Variants in NKAIN2 observed in about 807,000 individuals in gnomAD.
NKAIN2 encodes sodium/potassium transporting ATPase interacting 2, also known as sodium/potassium-transporting ATPase subunit beta-1-interacting protein 2.
In NKAIN2, 14 loss-of-function variants were observed where a neutral mutation model predicts 32.6. That is an observed-to-expected ratio of 0.43 (90% CI 0.28 to 0.67). The LOEUF (loss-of-function observed/expected upper bound fraction) is 0.67, where lower values mean the gene tolerates loss of function less well. Among genes scored for constraint, NKAIN2 ranks in the 30% least tolerant of loss-of-function variants. NKAIN2 has a pLI of 0.17. For synonymous variants in NKAIN2, 80 were observed against 87.2 expected (o/e 0.92, Z 0.46); for missense variants, 198 against 258.3 (o/e 0.77, Z 1.60).
chr6:124,180,562 C>G (rs1789392740), intron 1 of NKAIN2, among the ~76,000 whole-genome samples: 1 of 152,226 alleles, frequency 6.6e-6, no homozygotes, highest in African/African-American at 2.4e-5. Context: ...CCCCTGGCCC[C>G]TCTCAAATCT....
At chr6:124,403,052 A>G (rs6903115) in intron 3 of NKAIN2, among the ~76,000 whole-genome samples, 26,389 of 152,126 alleles carry the variant, frequency 0.17, 4,269 homozygotes, top group African/African-American at 0.43. Flanking sequence ...ATACAAAATC[A>G]TCTTATTTTT....
At chr6:124,380,375 A>T (rs1315649415) in intron 3 of NKAIN2, among the ~76,000 whole-genome samples, 1 of 152,216 alleles carries the variant, frequency 6.6e-6, no homozygotes, top group Non-Finnish European at 1.5e-5. Flanking sequence ...TTCATGTCTC[A>T]CTTCTTCACA....
intron 1 of NKAIN2, among the ~76,000 whole-genome samples, chr6:124,109,238 G>GT (rs1343302648): frequency 2.0e-5 from 3 of 151,784 alleles, no homozygotes; most frequent in Non-Finnish European, 4.4e-5. Flanking sequence ...TCAATGCAGT[G>GT]TTTTTTTGTA....
At chr6:124,287,816 C>A (rs571733811) in intron 2 of NKAIN2, among the ~76,000 whole-genome samples, 12 of 152,194 alleles carry the variant, frequency 7.9e-5, no homozygotes, top group Middle Eastern at 6.8e-3. Flanking sequence ...GCTGCACTGG[C>A]GCTAAGGAGC....
chr6:124,473,517 T>A (rs1469723678), intron 3 of NKAIN2, among the ~76,000 whole-genome samples: 1 of 152,208 alleles, frequency 6.6e-6, no homozygotes, highest in Non-Finnish European at 1.5e-5. Flanking sequence ...CTTTGAGGTT[T>A]ATGTAGGCAA....
intron 1 of NKAIN2, among the ~76,000 whole-genome samples, chr6:123,875,114 G>A (rs1434365459): frequency 6.6e-6 from 1 of 151,740 alleles, no homozygotes; most frequent in Non-Finnish European, 1.5e-5. Context: ...TCCATTTGGG[G>A]ACATTTAGGT....
In NKAIN2 at chr6:124,347,700, A is replaced by C. The variant is rs989388579; in HGVS notation, c.193-7567A>C. On this transcript the variant is annotated intron_variant, in intron 2 of 6. Transcript: ENST00000368417. ...TTCAGCTCCATCAGCTCCTTTAAGC[A>C]CTTCTCTGTATTGGTTATTCTAGTT... 4.6e-5 allele frequency among the ~76,000 whole-genome samples: 7 copies of C among 152,112 alleles called. 1 individual carries two copies. The highest frequency in any genetic ancestry group is 7.2e-5 in the African/African-American group (3 of 41,436).
At chr6:124,496,399 G>T (rs1778064816) in intron 3 of NKAIN2, among the ~76,000 whole-genome samples, 1 of 152,088 alleles carries the variant, frequency 6.6e-6, no homozygotes, top group Non-Finnish European at 1.5e-5. Flanking sequence ...TATATGTATG[G>T]TAGGTACCAA....
chr6:123,907,731 C>G (rs1774959240), intron 1 of NKAIN2, among the ~76,000 whole-genome samples: 1 of 152,158 alleles, frequency 6.6e-6, no homozygotes, highest in Non-Finnish European at 1.5e-5. Context: ...CCCCTCATTC[C>G]CTCATTGCTT....
At chr6:124,526,697 T>A (rs1040600325) in intron 3 of NKAIN2, among the ~76,000 whole-genome samples, 35 of 152,164 alleles carry the variant, frequency 2.3e-4, no homozygotes, top group Non-Finnish European at 4.6e-4. Flanking sequence ...ATTATAACTC[T>A]CTTAACTAGT....
At chr6:124,141,077 A>G (rs780153088) in intron 1 of NKAIN2, among the ~76,000 whole-genome samples, 3 of 152,238 alleles carry the variant, frequency 2.0e-5, no homozygotes, top group South Asian at 2.1e-4. Flanking sequence ...CATTGAGTCA[A>G]TTAAGCCAGG....
intron 6 of NKAIN2, among the ~76,000 whole-genome samples, chr6:124,819,894 T>A (rs1179467562): frequency 6.6e-6 from 1 of 151,596 alleles, no homozygotes; most frequent in East Asian, 1.9e-4. Context: ...CCCTTAGCCA[T>A]TTTTTTCTTG....
chr6:124,234,453 G>A (rs143590384), intron 1 of NKAIN2, among the ~76,000 whole-genome samples: 177 of 152,148 alleles, frequency 1.2e-3, no homozygotes, highest in African/African-American at 4.2e-3. Context: ...AGCTCAATTA[G>A]GGCACATTTT....
chr6:124,514,635 C>A (rs974746648), intron 3 of NKAIN2, among the ~76,000 whole-genome samples: 1 of 152,030 alleles, frequency 6.6e-6, no homozygotes, highest in Non-Finnish European at 1.5e-5. Flanking sequence ...CATTAGCCCC[C>A]AGATTCAGAA....
Position 124,617,878 on chromosome 6 carries a change from C to A in NKAIN2, c.274-40308C>A, listed in dbSNP as rs181855287. Reference sequence around the variant, plus strand: ...TTATAACTAGGAATAATTCAAATAACCAGTTGAATCTAGACCGTCAAAGAT... The same window carrying A: ...TTATAACTAGGAATAATTCAAATAAACAGTTGAATCTAGACCGTCAAAGAT... On this transcript the variant is annotated intron_variant, in intron 3 of 6. Transcript: ENST00000368417. Among the ~76,000 whole-genome samples the A allele has an allele frequency of 1.8e-3, 278 of 152,040 alleles. 3 individuals carry two copies. The highest frequency in any genetic ancestry group is 7.9e-4 in the Non-Finnish European group (54 of 67,982).
chr6:124,450,187 C>G (rs1289177145), intron 3 of NKAIN2, among the ~76,000 whole-genome samples: 2 of 152,010 alleles, frequency 1.3e-5, no homozygotes, highest in Non-Finnish European at 2.9e-5. Context: ...TCACATTTCT[C>G]AAAATGTGAC....
At chr6:123,867,732 T>G (rs1456771112) in intron 1 of NKAIN2, among the ~76,000 whole-genome samples, 1 of 152,172 alleles carries the variant, frequency 6.6e-6, no homozygotes, top group Non-Finnish European at 1.5e-5. Flanking sequence ...CCTCAAACAT[T>G]TCCTCTTCTC....
At chr6:123,936,841 T>A (rs934453179) in intron 1 of NKAIN2, among the ~76,000 whole-genome samples, 1 of 152,132 alleles carries the variant, frequency 6.6e-6, no homozygotes, top group Non-Finnish European at 1.5e-5. Flanking sequence ...TACATGGTGT[T>A]CAATACTATT....
chr6:124,396,635 G>GGA lies in NKAIN2; in HGVS notation c.273+41292_273+41293dup, dbSNP rs1491289393. Among the ~76,000 whole-genome samples, 19 of 151,906 alleles carry GGA rather than the reference G, an allele frequency of 1.3e-4. No homozygotes were observed. In the East Asian group the frequency reaches 3.7e-3, roughly 30 times the overall value. ...AAGGTCTAGAATCAGAGTTGCTGAT[G>GGA]GAGAGTATGTTTCAGCAATTCAGGC... On this transcript the variant is annotated intron_variant, in intron 3 of 6. Transcript: ENST00000368417.
Sources: gnomAD v4.1 joint callset for allele counts (sites outside exome capture counted in the v4.1 genomes callset) on GRCh38, gnomAD v4.1.1 for gene constraint, MANE v1.5 for transcripts, NCBI Gene and HGNC (gene_info 2026-07-23, HGNC 2026-07-21) for gene names.